WAC: variants seen among roughly 807,000 people sequenced by gnomAD.
WAC encodes WW domain containing adaptor with coiled-coil.
Under a neutral mutation model 79.6 loss-of-function variants are expected in WAC, and 11 were observed. The observed-to-expected ratio is 0.14, with a 90% CI of 0.09 to 0.23. WAC has a LOEUF of 0.23. WAC is among the 10% of genes least tolerant of loss of function. The pLI is 1.00. For synonymous variants in WAC, 304 were observed against 276.9 expected, an observed-to-expected ratio of 1.10 and a Z score of -0.97; for missense variants, 728 against 773.5, an observed-to-expected ratio of 0.94 and a Z score of 0.70.
chr10:28,541,765 C>T (rs891686652), intron 3 of WAC, among the ~76,000 whole-genome samples: 1 of 152,062 alleles, frequency 6.6e-6, no homozygotes, highest in African/African-American at 2.4e-5. Flanking sequence ...AAAATTTTAT[C>T]TCTGCCTTCA....
chr10:28,572,337 CAAAA>C (rs535940157), intron 3 of WAC, among the ~76,000 whole-genome samples: 13 of 86,828 alleles, frequency 1.5e-4, no homozygotes, highest in African/African-American at 4.4e-4. Flanking sequence ...ACTCTGTCTC[CAAAA>C]AAAAAAAAAA....
At chr10:28,541,433 T>G (rs570935818) in intron 3 of WAC, among the ~76,000 whole-genome samples, 11 of 141,672 alleles carry the variant, frequency 7.8e-5, no homozygotes, top group Non-Finnish European at 1.4e-4. Context: ...TTTTTTTTTT[T>G]TTTTTTTTTT....
intron 3 of WAC, among the ~76,000 whole-genome samples, chr10:28,555,134 T>C (rs766854342): frequency 2.0e-5 from 3 of 152,112 alleles, no homozygotes; most frequent in Non-Finnish European, 4.4e-5. Context: ...GCCTCCTCCT[T>C]AACCGGTCTT....
chr10:28,614,639 C>G lies in WAC; in HGVS notation c.1510C>G (p.Gln504Glu). 1 of 1,614,178 alleles carries G rather than the reference C, an allele frequency of 6.2e-7. No homozygotes were observed. The highest frequency in any genetic ancestry group is 8.5e-7 in the Non-Finnish European group (1 of 1,180,014). The change falls in exon 11 of 14, where the codon CAG (glutamine) becomes GAG (glutamate). Residue 504 changes from glutamine to glutamate, a missense_variant. Around this residue, in one of 3 missense-constraint regions of WAC, gnomAD observed 648 missense variants for 661.5 expected, o/e 0.98. Coordinates refer to ENST00000354911, the MANE Select transcript of WAC (RefSeq NM_016628.5). ...ACAGCAGCCTGTAACTGCTGACAAG[C>G]AGCAAGGTCATGAACCTGTCTCTCC... ...ATQQPVTADK[Q>E]QGHEPVSPRS...
At chr10:28,573,323 A>G (rs374565385) in intron 3 of WAC, among the ~76,000 whole-genome samples, 37 of 152,076 alleles carry the variant, frequency 2.4e-4, no homozygotes, top group African/African-American at 7.5e-4. Flanking sequence ...CAACTCCCCA[A>G]TTACTGATCT....
chr10:28,533,776 G>T, intron 1 of WAC, 156 bp downstream of exon 1: 1 of 964,580 alleles, frequency 1.0e-6, no homozygotes, highest in South Asian at 1.6e-5. Flanking sequence ...GCGGGCGGGC[G>T]GGAACGCAGT....
At chr10:28,611,367 G>A (rs1288615045) in intron 9 of WAC, 57 of 1,296,988 alleles carry the variant, frequency 4.4e-5, no homozygotes, top group Non-Finnish European at 5.1e-5. Context: ...GCCTTGTCTG[G>A]AATGGAAGTA....
chr10:28,608,867 C>T (rs1382324200), intron 8 of WAC, among the ~76,000 whole-genome samples: 1 of 152,072 alleles, frequency 6.6e-6, no homozygotes, highest in Non-Finnish European at 1.5e-5. Flanking sequence ...CAGGTAGCTA[C>T]TTAAAATACT....
intron 7 of WAC, among the ~76,000 whole-genome samples, chr10:28,597,505 C>A (rs1840441480): frequency 6.6e-6 from 1 of 152,154 alleles, no homozygotes; most frequent in Admixed American, 6.5e-5. Context: ...ATACTACACT[C>A]CTTCAGTTGC....
chr10:28,560,672 C>G lies in WAC; in HGVS notation c.275-22727C>G, dbSNP rs944156656. Among the ~76,000 whole-genome samples, 7 of 152,054 alleles carry G rather than the reference C, an allele frequency of 4.6e-5. No individual in the cohort carries two copies. In the East Asian group the frequency reaches 1.2e-3, roughly 25 times the overall value. On this transcript the variant is annotated intron_variant, in intron 3 of 13. Transcript: ENST00000354911. ...GACTCTTAAAGAAATTGAGTAAAGA[C>G]CAGGAACCTGCAGACTCTGTAAAGG...
At chr10:28,584,605 A>G (rs1365368224) in intron 4 of WAC, among the ~76,000 whole-genome samples, 4 of 152,162 alleles carry the variant, frequency 2.6e-5, no homozygotes, top group African/African-American at 9.7e-5. Context: ...AAGGCTGACA[A>G]AGGTGTAGGT....
chr10:28,582,958 TAG>T (rs1839616864), intron 3 of WAC, among the ~76,000 whole-genome samples: 2 of 152,086 alleles, frequency 1.3e-5, no homozygotes, highest in South Asian at 4.1e-4. Context: ...AAAAGGCAAA[TAG>T]GGGAAACTGT....
intron 4 of WAC, chr10:28,588,705 T>A (rs531495054): frequency 1.3e-5 from 2 of 152,342 alleles, no homozygotes; most frequent in East Asian, 3.9e-4. Context: ...TTCATTTTTT[T>A]AAGTGGTTTA....
At chr10:28,604,552 C>CA (rs1840838035) in intron 7 of WAC, among the ~76,000 whole-genome samples, 2 of 152,052 alleles carry the variant, frequency 1.3e-5, no homozygotes, top group Non-Finnish European at 2.9e-5. Flanking sequence ...GCCAATATGG[C>CA]AAAATCCCAT....
chr10:28,547,363 C>T (rs910982722), intron 3 of WAC, among the ~76,000 whole-genome samples: 4 of 151,920 alleles, frequency 2.6e-5, no homozygotes, highest in South Asian at 2.1e-4. Flanking sequence ...GGTGAAACCC[C>T]GTCTCTACTA....
chr10:28,582,967 CTG>C (rs898126360), intron 3 of WAC, among the ~76,000 whole-genome samples: 12 of 152,208 alleles, frequency 7.9e-5, no homozygotes, highest in East Asian at 7.7e-4. Flanking sequence ...ATAGGGGAAA[CTG>C]TTAAGAAATT....
chr10:28,541,420 G>GTTTTTTTTT (rs869099181), intron 3 of WAC, among the ~76,000 whole-genome samples: 3 of 49,220 alleles, frequency 6.1e-5, no homozygotes, highest in Non-Finnish European at 6.6e-5. Context: ...TGTGTGTTTT[G>GTTTTTTTTT]TTTTTTTTTT....
intron 4 of WAC, among the ~76,000 whole-genome samples, chr10:28,588,550 G>A (rs1839933300): frequency 6.6e-6 from 1 of 152,136 alleles, no homozygotes; most frequent in Non-Finnish European, 1.5e-5. Flanking sequence ...CAACTCATAA[G>A]TTCTCTCAGC....
chr10:28,561,595 G>GT (rs1838302285), intron 3 of WAC, among the ~76,000 whole-genome samples: 1 of 152,070 alleles, frequency 6.6e-6, no homozygotes, highest in Non-Finnish European at 1.5e-5. Context: ...GAACTTTTAA[G>GT]TTTTTTCGCT....
Sources: gnomAD v4.1 joint callset for allele counts (sites outside exome capture counted in the v4.1 genomes callset) on GRCh38, gnomAD v4.1.1 for gene constraint, gnomAD v4.1.1 regional missense constraint, MANE v1.5 for transcripts, NCBI Gene and HGNC (gene_info 2026-07-23, HGNC 2026-07-21) for gene names.